CYREN: variants seen among roughly 807,000 people sequenced by gnomAD.
CYREN encodes cell cycle regulator of non-homologous end joining.
Under a neutral mutation model 9.7 loss-of-function variants are expected in CYREN, and 7 were observed. The ratio of observed to expected loss-of-function variants is 0.72; its 90% CI spans 0.41 to 1.36. CYREN has a LOEUF of 1.36. Ranked by LOEUF, CYREN falls within the 40% of genes most tolerant of loss-of-function variation. The probability of loss-of-function intolerance (pLI) is 0.01; values close to 1 mark genes in which losing one functional copy is unlikely to be tolerated. For synonymous variants in CYREN, 76 were observed against 77.9 expected (o/e 0.98, Z 0.13); for missense variants, 215 against 198.1 (o/e 1.09, Z -0.51).
chr7:135,131,664 T>G (rs748201657), intron 2 of CYREN, among the ~76,000 whole-genome samples: 3 of 150,566 alleles, frequency 2.0e-5, no homozygotes, highest in Non-Finnish European at 4.4e-5. Context: ...GAAAAGCAAA[T>G]AAACTCAAAG....
intron 2 of CYREN, among the ~76,000 whole-genome samples, chr7:135,132,846 C>T (rs758474786): frequency 2.0e-5 from 3 of 152,154 alleles, no homozygotes; most frequent in Non-Finnish European, 2.9e-5. Flanking sequence ...TTATAAATTA[C>T]CCAGCATTGG....
intron 2 of CYREN, chr7:135,115,707 G>A: frequency 9.4e-7 from 1 of 1,066,082 alleles, no homozygotes; most frequent in East Asian, 2.6e-5. Context: ...AAAAAAATCT[G>A]CTCTTGAAAA....
rs1425285104 is a variant in CYREN, at chr7:135,112,349, T to A, written n.357-17767A>T. On this transcript the variant is annotated intron_variant and non_coding_transcript_variant, in intron 2 of 2. Transcript: ENST00000459937. ...CCCTGTTTCATTCAAAACACATTTA[T>A]TTAGCATCTGTCAGTCATGAATTAT... Among the ~76,000 whole-genome samples, 4 of 152,242 alleles carry A rather than the reference T, an allele frequency of 2.6e-5. No individual in the cohort carries two copies. The East Asian group carries it at 5.8e-4, about 22-fold the overall frequency.
chr7:135,162,737 A>G (rs1327990666), downstream of CYREN, among the ~76,000 whole-genome samples: 4 of 152,252 alleles, frequency 2.6e-5, no homozygotes, highest in Non-Finnish European at 5.9e-5. Flanking sequence ...ATTCAAGATG[A>G]GATTTGGGTA....
At chr7:135,101,176 G>T (rs1402078336) in intron 2 of CYREN, 2 of 455,940 alleles carry the variant, frequency 4.4e-6, no homozygotes, top group African/African-American at 4.0e-5. Context: ...CCCCTCAAGG[G>T]AACTGATTTG....
rs985571753 is a variant in CYREN at position 135,122,854 on chromosome 7, A to G, written n.357-28272T>C. On this transcript the variant is annotated intron_variant and non_coding_transcript_variant, in intron 2 of 2. Transcript: ENST00000459937. ...AGAAAGCAACAACAACAGTATCAAC[A>G]ACAACAAACAAGCCCCCAGAAAAAC... Among the ~76,000 whole-genome samples the G allele has an allele frequency of 3.3e-5, 5 of 152,306 alleles. No homozygotes were observed. In the Middle Eastern group the frequency reaches 0.014, roughly 414 times the overall value.
chr7:135,171,089 G>T (rs576079268), upstream of CYREN, among the ~76,000 whole-genome samples: 1 of 152,236 alleles, frequency 6.6e-6, no homozygotes, highest in East Asian at 1.9e-4. Flanking sequence ...GCTTGAGGAG[G>T]ATGGGAGCCC....
At chr7:135,149,736 G>A (rs1029561639) in intron 2 of CYREN, among the ~76,000 whole-genome samples, 2 of 152,098 alleles carry the variant, frequency 1.3e-5, no homozygotes, top group East Asian at 1.9e-4. Context: ...TTTACTTGGC[G>A]TATCTTTAAT....
downstream of CYREN, chr7:135,164,909 C>T (rs764481357): frequency 3.1e-6 from 5 of 1,614,088 alleles, no homozygotes; most frequent in East Asian, 6.7e-5. Flanking sequence ...CTCTGGGCAG[C>T]GCCCAGGCCT....
intron 2 of CYREN, among the ~76,000 whole-genome samples, chr7:135,126,651 C>T (rs941828551): frequency 6.6e-6 from 1 of 151,940 alleles, no homozygotes; most frequent in Non-Finnish European, 1.5e-5. Context: ...TACTACGAGG[C>T]TACAGTAACC....
At chr7:135,125,078 C>T (rs1349005858) in intron 2 of CYREN, among the ~76,000 whole-genome samples, 1 of 151,616 alleles carries the variant, frequency 6.6e-6, no homozygotes, top group African/African-American at 2.4e-5. Flanking sequence ...GATAGAGACA[C>T]AAAAAACTCC....
At chr7:135,134,777 A>T (rs1156343635) in intron 2 of CYREN, 1 of 1,370,410 alleles carries the variant, frequency 7.3e-7, no homozygotes, top group Non-Finnish European at 9.9e-7. Flanking sequence ...CTATGACAAC[A>T]TACCTAGGAC....
chr7:135,154,236 T>C (rs1024079871), intron 2 of CYREN, among the ~76,000 whole-genome samples: 2 of 152,314 alleles, frequency 1.3e-5, no homozygotes, highest in African/African-American at 4.8e-5. Context: ...TTAATCTAGC[T>C]AGTGGTTTAT....
intron 2 of CYREN, among the ~76,000 whole-genome samples, chr7:135,123,481 C>T (rs538944884): frequency 6.6e-6 from 1 of 152,282 alleles, no homozygotes; most frequent in South Asian, 2.1e-4. Context: ...ATGATATTAT[C>T]CAGGAGAACT....
chr7:135,118,131 T>C (rs1826589126), intron 2 of CYREN, among the ~76,000 whole-genome samples: 1 of 152,194 alleles, frequency 6.6e-6, no homozygotes, highest in Non-Finnish European at 1.5e-5. Context: ...CTTTGTACTT[T>C]CTTATAATTC....
chr7:135,116,733 T>G (rs1175624655), intron 2 of CYREN, among the ~76,000 whole-genome samples: 1 of 152,220 alleles, frequency 6.6e-6, no homozygotes, highest in Non-Finnish European at 1.5e-5. Flanking sequence ...TGTAAGCCCC[T>G]CTGCCTCTGC....
chr7:135,162,250 G>A (rs573243528), downstream of CYREN, among the ~76,000 whole-genome samples: 6 of 152,226 alleles, frequency 3.9e-5, no homozygotes, highest in African/African-American at 9.6e-5. Context: ...CATCAGGGCT[G>A]TGTAGCCTTC....
chr7:135,107,606 G>C (rs1190253188), intron 2 of CYREN, among the ~76,000 whole-genome samples: 1 of 151,998 alleles, frequency 6.6e-6, no homozygotes, highest in African/African-American at 2.4e-5. Flanking sequence ...CAGTTCTTTT[G>C]CATTTCCTGA....
At chr7:135,116,776 T>A (rs1170974144) in intron 2 of CYREN, among the ~76,000 whole-genome samples, 1 of 152,220 alleles carries the variant, frequency 6.6e-6, no homozygotes, top group East Asian at 1.9e-4. Flanking sequence ...ACTGTTTATC[T>A]GTGGTGCTTG....
Sources: gnomAD v4.1 joint callset for allele counts (sites outside exome capture counted in the v4.1 genomes callset) on GRCh38, gnomAD v4.1.1 for gene constraint, MANE v1.5 for transcripts, NCBI Gene and HGNC (gene_info 2026-07-23, HGNC 2026-07-21) for gene names.